The following RAB6B variants were observed in gnomAD, a reference collection of about 807,000 sequenced individuals.
RAB6B encodes the protein ras-related protein Rab-6B.
In RAB6B, 7 loss-of-function variants were observed where a neutral mutation model predicts 31.2. That is an observed-to-expected ratio of 0.22 (90% confidence interval 0.13 to 0.42). The LOEUF is 0.42. Among genes scored for constraint, RAB6B ranks in the 10% least tolerant of loss-of-function variants. The pLI is 1.00. For missense variants in RAB6B, 149 were observed against 280.6 expected (o/e 0.53, Z 3.35); for synonymous variants, 105 against 104.9 (o/e 1.00, Z -0.01).
chr3:133,838,864 C>T (rs1357031633), intron 5 of RAB6B, among the ~76,000 whole-genome samples: 1 of 152,222 alleles, frequency 6.6e-6, no homozygotes, highest in Non-Finnish European at 1.5e-5. Context: ...GAAGCCCACA[C>T]TGCTTGCTGG....
In RAB6B at chr3:133,828,759, G is replaced by A. The variant is rs1037002397; in HGVS notation, c.*29C>T. On this transcript the variant is annotated 3_prime_UTR_variant, in exon 8 of 8. Transcript: ENST00000285208. ...GGAAGCAACACAACAAGCAAGGAGT[G>A]TCATGGGAAGCCACAGGTCGGCTCT... The A allele has an allele frequency of 7.6e-6, 12 of 1,578,550 alleles. No homozygotes were observed. The highest frequency in any genetic ancestry group is 7.8e-6 in the Non-Finnish European group (9 of 1,148,954).
chr3:133,889,413 TATATATATATATATATATATATATATATA>T (rs1212466704), intron 1 of RAB6B, among the ~76,000 whole-genome samples: 4 of 53,356 alleles, frequency 7.5e-5, no homozygotes, highest in African/African-American at 1.7e-4. Context: ...TATATATATA[TATATATATATATATATATATATATATATA>T]TATTTATTTT....
At chr3:133,858,761 C>T (rs1016201664) in intron 2 of RAB6B, among the ~76,000 whole-genome samples, 4 of 152,164 alleles carry the variant, frequency 2.6e-5, no homozygotes, top group Non-Finnish European at 5.9e-5. Context: ...AAGCGAAATG[C>T]CTGAGGCCCA....
Position 133,852,160 on chromosome 3 carries a change from C to T in RAB6B, c.130-10497G>A, listed in dbSNP as rs141771582. ...GGTGCTCCTGGGATTCCCGGGGCTG[C>T]GGGGCTCTGTCTAAGAGCTGTGTCT... On this transcript the variant is annotated intron_variant, in intron 2 of 7. Transcript: ENST00000285208. Among the ~76,000 whole-genome samples the T allele has an allele frequency of 6.3e-3, 954 of 152,304 alleles. 9 individuals carry two copies. Among genetic ancestry groups the T allele is most frequent in the Non-Finnish European group, 9.8e-3 (669 of 68,030 alleles).
intron 1 of RAB6B, among the ~76,000 whole-genome samples, chr3:133,884,365 T>C (rs1050441335): frequency 6.6e-6 from 1 of 152,184 alleles, no homozygotes; most frequent in Non-Finnish European, 1.5e-5. Context: ...AGGGGAGGGT[T>C]CAAAACGGCA....
chr3:133,828,659 T>G lies in RAB6B; in HGVS notation c.*129A>C. ...CTCCCTCCCCATCCCACCCTACTCCTAAAGACAGAGAGAAAAGAAAAATCC... is the reference window on the plus strand; with the variant it reads ...CTCCCTCCCCATCCCACCCTACTCCGAAAGACAGAGAGAAAAGAAAAATCC... On this transcript the variant is annotated 3_prime_UTR_variant, in exon 8 of 8. Transcript: ENST00000285208. 1 of 525,576 alleles carries G rather than the reference T, an allele frequency of 1.9e-6. No individual in the cohort carries two copies. The highest frequency in any genetic ancestry group is 3.7e-6 in the Non-Finnish European group (1 of 273,020). The allele number at this position is 525,576 out of a possible 1,614,324, so 32.6% of individuals were successfully genotyped here.
intron 1 of RAB6B, among the ~76,000 whole-genome samples, chr3:133,880,145 G>C (rs1936446400): frequency 6.6e-6 from 1 of 152,232 alleles, no homozygotes; most frequent in Admixed American, 6.5e-5. Context: ...GACAAGGCTA[G>C]TATTAATGTA....
chr3:133,840,089 C>T (rs943149135), intron 4 of RAB6B, among the ~76,000 whole-genome samples: 2 of 151,908 alleles, frequency 1.3e-5, no homozygotes, highest in Non-Finnish European at 2.9e-5. Flanking sequence ...AAGGGCCCTA[C>T]TGAGTGGTGT....
chr3:133,890,107 A>G (rs1231480108), intron 1 of RAB6B, among the ~76,000 whole-genome samples: 1 of 152,234 alleles, frequency 6.6e-6, no homozygotes, highest in Non-Finnish European at 1.5e-5. Flanking sequence ...AGAGAAATCA[A>G]GAGAAGGAAG....
chr3:133,890,968 G>C (rs1199963003), intron 1 of RAB6B, among the ~76,000 whole-genome samples: 1 of 152,236 alleles, frequency 6.6e-6, no homozygotes. Context: ...AGGTGGGCTG[G>C]TAGCCCAGGG....
At chr3:133,828,934 T>G in intron 7 of RAB6B, 82 bp from the exon 8 acceptor site, 1 of 1,294,688 alleles carries the variant, frequency 7.7e-7, no homozygotes, top group South Asian at 1.4e-5. Context: ...ACCCTTTGGC[T>G]ACTGCTCTGT....
intron 6 of RAB6B, among the ~76,000 whole-genome samples, chr3:133,836,541 C>T (rs949070435): frequency 1.3e-5 from 2 of 152,168 alleles, no homozygotes; most frequent in Non-Finnish European, 2.9e-5. Flanking sequence ...CCTGCTAAAC[C>T]ACTGCATGGG....
At chr3:133,887,384 C>T (rs1462082116) in intron 1 of RAB6B, among the ~76,000 whole-genome samples, 1 of 152,192 alleles carries the variant, frequency 6.6e-6, no homozygotes, top group African/African-American at 2.4e-5. Context: ...GCCAGGAATG[C>T]CTCCCAGGAG....
Position 133,828,742 on chromosome 3 carries a change from C to T in RAB6B, c.*46G>A. 1 of 1,541,620 alleles carries T rather than the reference C, an allele frequency of 6.5e-7. No homozygotes were observed. Among genetic ancestry groups the T allele is most frequent in the South Asian group, 1.1e-5 (1 of 89,616 alleles). On this transcript the variant is annotated 3_prime_UTR_variant, in exon 8 of 8. Coordinates refer to ENST00000285208, the MANE Select transcript of RAB6B (RefSeq NM_016577.4). ...TAGGAAGCTAGCCAATAGGAAGCAA[C>T]ACAACAAGCAAGGAGTGTCATGGGA...
intron 2 of RAB6B, among the ~76,000 whole-genome samples, chr3:133,863,297 A>G (rs1181858573): frequency 2.6e-5 from 4 of 152,244 alleles, no homozygotes; most frequent in East Asian, 3.8e-4. Flanking sequence ...AAGAAAGAGT[A>G]AAAATGAGAG....
Position 133,854,328 on chromosome 3 carries a change from G to C in RAB6B, c.129+10256C>G, listed in dbSNP as rs185770051. 7.9e-5 allele frequency among the ~76,000 whole-genome samples: 12 copies of C among 152,320 alleles called. No homozygotes were observed. The East Asian group carries it at 2.3e-3, about 29-fold the overall frequency. ...TCTGAACTTCATTTTCTCTTGTGAG[G>C]TACAAAGCAAATTATTTTTGCTGGT... On this transcript the variant is annotated intron_variant, in intron 2 of 7. Coordinates refer to ENST00000285208, the MANE Select transcript of RAB6B (RefSeq NM_016577.4).
intron 3 of RAB6B, 81 bp from the exon 4 acceptor site, chr3:133,841,471 C>T (rs982331211): frequency 4.0e-5 from 62 of 1,552,840 alleles, no homozygotes; most frequent in Admixed American, 2.0e-4. Context: ...CTGGGAGAGC[C>T]GGGCTCTGCA....
chr3:133,895,284 A>AC, intron 1 of RAB6B, 113 bp downstream of exon 1: 1 of 1,177,814 alleles, frequency 8.5e-7, no homozygotes, highest in African/African-American at 1.5e-5. Flanking sequence ...CCTCTCCTCT[A>AC]CCCTGGCAAG....
intron 1 of RAB6B, among the ~76,000 whole-genome samples, chr3:133,879,896 T>C (rs993457850): frequency 6.6e-6 from 1 of 152,164 alleles, no homozygotes; most frequent in South Asian, 2.1e-4. Flanking sequence ...AGAGTCTACA[T>C]CCTTAGCACA....
Sources: allele counts gnomAD v4.1 joint callset (sites outside exome capture counted in the v4.1 genomes callset), GRCh38; gene constraint gnomAD v4.1.1; transcripts MANE v1.5; gene names NCBI Gene and HGNC (gene_info 2026-07-23, HGNC 2026-07-21).